The following SQLE variants were observed in gnomAD, a reference collection of about 807,000 sequenced individuals.
The protein encoded by SQLE is squalene epoxidase.
SQLE carries 29 observed loss-of-function variants against 60.7 expected under a neutral mutation model. The ratio of observed to expected loss-of-function variants is 0.48; its 90% CI spans 0.36 to 0.65. SQLE has a LOEUF of 0.65. SQLE is among the 30% of genes least tolerant of loss of function. The probability of loss-of-function intolerance (pLI) is 0.00; values close to 1 mark genes in which losing one functional copy is unlikely to be tolerated. For missense variants in SQLE, 605 were observed against 684.1 expected (o/e 0.88, Z 1.29); for synonymous variants, 237 against 246.8 (o/e 0.96, Z 0.37).
At position 125,022,177 on chromosome 8, in the gene SQLE, G is replaced by A. The variant is rs927697481; in HGVS notation, c.*232G>A. The A allele has an allele frequency of 1.7e-5, 5 of 302,060 alleles. No individual in the cohort carries two copies. Among genetic ancestry groups the A allele is most frequent in the Admixed American group, 5.0e-5 (1 of 20,044 alleles). The allele number at this position is 302,060 out of a possible 1,614,324, so 18.7% of individuals were successfully genotyped here. A position where few individuals can be genotyped will look rare whatever the true frequency, so the allele number is the denominator to read the frequency against. On this transcript the variant is annotated 3_prime_UTR_variant, in exon 11 of 11. Coordinates refer to ENST00000265896, the MANE Select transcript of SQLE (RefSeq NM_003129.4). ...AATAAGTTAGACATTTAAAAGAAAT[G>A]ATTGTTACCATAAATTAGTGCTAAT...
intron 2 of SQLE, among the ~76,000 whole-genome samples, 180 bp from the exon 3 acceptor site, chr8:125,005,345 A>G (rs981782172): frequency 2.0e-5 from 3 of 148,256 alleles, no homozygotes; most frequent in South Asian, 4.4e-4. Context: ...CAGATTTGCT[A>G]AGACTCTCAT....
chr8:125,005,445 T>C (rs931829606), intron 2 of SQLE, 80 bp from the exon 3 acceptor site: 29 of 1,246,458 alleles, frequency 2.3e-5, no homozygotes, highest in Non-Finnish European at 3.0e-5. Context: ...ATTTTTGATG[T>C]GTGTGTGTCT....
intron 1 of SQLE, 65 bp from the exon 2 acceptor site, chr8:125,003,111 T>C (rs1814884060): frequency 2.0e-6 from 3 of 1,472,946 alleles, no homozygotes; most frequent in Non-Finnish European, 2.7e-6. Flanking sequence ...TGTGTCCACA[T>C]AGCGGTAGCA....
In SQLE at chr8:125,009,209, T is replaced by C. The variant is rs1815003219; in HGVS notation, c.974T>C (p.Ile325Thr). 1.9e-6 allele frequency: 3 copies of C among 1,613,248 alleles called. No homozygotes were observed. The highest frequency in any genetic ancestry group is 1.3e-5 in the African/African-American group (1 of 75,054). The change falls in exon 6 of 11, where the codon ATT becomes ACT. Residue 325 changes from isoleucine (I) to threonine (T), a missense_variant. Transcript: ENST00000265896. Reference sequence around the variant, plus strand: ...TTTAAAGCAAATCATGCTGAACTTATTTTAGCTAACCCGAGTCCAGTTCTC... The same window carrying C: ...TTTAAAGCAAATCATGCTGAACTTACTTTAGCTAACCCGAGTCCAGTTCTC... ...PQFKANHAEL[I>T]LANPSPVLIY... is the part of the protein sequence containing the mutation.
intron 7 of SQLE, among the ~76,000 whole-genome samples, chr8:125,014,642 C>T (rs2129902009): frequency 6.6e-6 from 1 of 152,168 alleles, no homozygotes; most frequent in South Asian, 2.1e-4. Context: ...TTTATATTTA[C>T]TTCTTAATTT....
chr8:125,003,778 C>T (rs978791748), intron 2 of SQLE, among the ~76,000 whole-genome samples: 2 of 151,778 alleles, frequency 1.3e-5, no homozygotes, highest in Admixed American at 6.6e-5. Context: ...AGTGTTATTA[C>T]TTAGAATCTT....
intron 1 of SQLE, among the ~76,000 whole-genome samples, chr8:125,002,865 C>T (rs1217798265): frequency 6.6e-6 from 1 of 152,102 alleles, no homozygotes; most frequent in African/African-American, 2.4e-5. Flanking sequence ...CCCTTATAAA[C>T]ATTTATTATA....
At chr8:125,000,217 C>T (rs1027079167) in intron 1 of SQLE, 1 of 369,680 alleles carries the variant, frequency 2.7e-6, no homozygotes, top group Non-Finnish European at 5.3e-6. Context: ...TGAGTAAATG[C>T]TTGTAGTAAT....
intron 2 of SQLE, 132 bp downstream of exon 2, chr8:125,003,560 C>CA: frequency 9.0e-7 from 1 of 1,110,870 alleles, no homozygotes; most frequent in Non-Finnish European, 1.3e-6. Context: ...CATTTACCAA[C>CA]AAATTTGCAT....
chr8:125,019,484 A>ACTG (rs59253047), intron 9 of SQLE, among the ~76,000 whole-genome samples: 1 of 149,456 alleles, frequency 6.7e-6, no homozygotes, highest in African/African-American at 2.5e-5. Flanking sequence ...ATTTGGGACT[A>ACTG]TATAGCTCAC....
rs774186099 is a variant in SQLE, at chr8:125,003,172, A to G, written c.292-4A>G. On this transcript the variant is annotated splice_region_variant and splice_polypyrimidine_tract_variant and intron_variant, in intron 1 of 10. Transcript: ENST00000265896. ...ACCTAGTTTACCTTTTTTTTTTTAA[A>G]CAGCGCAGAAAAGGAACCAATATTT... 3.8e-6 allele frequency: 6 copies of G among 1,576,666 alleles called. No individual in the cohort carries two copies. The highest frequency in any genetic ancestry group is 1.4e-5 in the African/African-American group (1 of 72,356).
chr8:125,020,035 G>T (rs1270705257), intron 9 of SQLE, among the ~76,000 whole-genome samples: 2 of 152,080 alleles, frequency 1.3e-5, no homozygotes, highest in Non-Finnish European at 2.9e-5. Flanking sequence ...CAAATAAAAA[G>T]AACTAAATTT....
At chr8:125,005,363 C>G (rs532484723) in intron 2 of SQLE, among the ~76,000 whole-genome samples, 162 bp from the exon 3 acceptor site, 1 of 133,194 alleles carries the variant, frequency 7.5e-6, no homozygotes, top group South Asian at 2.6e-4. Flanking sequence ...CATTGACTTC[C>G]AGAAGCATTC....
Position 124,999,021 on chromosome 8 carries a change from G to C in SQLE, c.-383G>C, listed in dbSNP as rs979477855. 2 of 274,776 alleles carry C rather than the reference G, an allele frequency of 7.3e-6. No homozygotes were observed. The highest frequency in any genetic ancestry group is 6.7e-6 in the Non-Finnish European group (1 of 148,920). 17.0% of individuals were successfully genotyped at this position (274,776 alleles called of 1,614,324 possible). On this transcript the variant is annotated 5_prime_UTR_variant, in exon 1 of 11. Transcript: ENST00000265896. ...AGGGCACCTGCTCTTGGTGAGAAAA[G>C]AAATTATAGCACGAAGAGCCAGTAT...
intron 1 of SQLE, among the ~76,000 whole-genome samples, chr8:125,002,677 C>G (rs1814873969): frequency 6.6e-6 from 1 of 151,800 alleles, no homozygotes; most frequent in South Asian, 2.1e-4. Context: ...AACTCAGTCT[C>G]AAACAAACAA....
At chr8:125,012,543 C>T (rs1425053459) in intron 7 of SQLE, among the ~76,000 whole-genome samples, 1 of 152,198 alleles carries the variant, frequency 6.6e-6, no homozygotes, top group East Asian at 1.9e-4. Flanking sequence ...TTTCATTTAG[C>T]ACAATGTTTT....
chr8:125,015,729 AAGGTC>A (rs1165299397), intron 7 of SQLE, among the ~76,000 whole-genome samples: 2 of 152,172 alleles, frequency 1.3e-5, no homozygotes, highest in Non-Finnish European at 2.9e-5. Context: ...ACTGCTCGTT[AAGGTC>A]CTTTTCTTTT....
At chr8:125,015,356 C>T (rs10087246) in intron 7 of SQLE, among the ~76,000 whole-genome samples, 74,409 of 151,994 alleles carry the variant, frequency 0.49, 20,976 homozygotes, top group African/African-American at 0.78. Context: ...CAGCCACTTA[C>T]GCCTTTCGAG....
rs1815195391 is a variant in SQLE at position 125,020,963 on chromosome 8, A to G, written c.1532+92A>G. The stretch of plus-strand genomic sequence containing the variant: ...TACTGCAAATCTTTCTTCCTTACAC[A>G]TTTTGATATTTTATTATCTGTTAGT... On this transcript the variant is annotated intron_variant, in intron 10 of 10. Coordinates refer to ENST00000265896, the MANE Select transcript of SQLE (RefSeq NM_003129.4). The G allele has an allele frequency of 1.4e-5, 12 of 849,062 alleles. No homozygotes were observed. The South Asian group carries it at 1.9e-4, about 13-fold the overall frequency. 52.6% of individuals were successfully genotyped at this position (849,062 alleles called of 1,614,324 possible).
Sources: allele counts gnomAD v4.1 joint callset (sites outside exome capture counted in the v4.1 genomes callset), GRCh38; gene constraint gnomAD v4.1.1; transcripts MANE v1.5; gene names NCBI Gene and HGNC (gene_info 2026-07-23, HGNC 2026-07-21).